ANKS1A: variants seen among roughly 807,000 people sequenced by gnomAD.
ANKS1A encodes ankyrin repeat and SAM domain-containing protein 1A.
A neutral mutation model predicts 120.3 loss-of-function variants in ANKS1A; 55 were observed. That is an observed-to-expected ratio of 0.46 (90% CI 0.37 to 0.57). ANKS1A has a LOEUF of 0.57. ANKS1A is among the 20% of genes least tolerant of loss of function. The pLI, the probability that ANKS1A is intolerant of heterozygous loss-of-function variation, is 0.00. For missense variants in ANKS1A, 1,123 were observed against 1,480.3 expected (o/e 0.76, Z 3.96); for synonymous variants, 590 against 604.7 (o/e 0.98, Z 0.36).
intron 20 of ANKS1A, among the ~76,000 whole-genome samples, 164 bp from the exon 21 acceptor site, chr6:35,083,957 G>T (rs746205954): frequency 1.3e-5 from 2 of 152,074 alleles, no homozygotes; most frequent in African/African-American, 4.8e-5. Flanking sequence ...AACCAAAATC[G>T]GGGACCCCCA....
intron 8 of ANKS1A, among the ~76,000 whole-genome samples, chr6:34,988,589 C>G (rs1772339488): frequency 6.6e-6 from 1 of 152,120 alleles, no homozygotes; most frequent in Non-Finnish European, 1.5e-5. Flanking sequence ...GAGTGAGACT[C>G]TGCCTCAAAA....
Position 34,981,837 on chromosome 6 carries a change from C to T in ANKS1A, c.583C>T (p.Leu195=), listed in dbSNP as rs371853881. ...PLDLAALYGR[L]EVVKMLLNAH... is the part of the protein sequence containing the mutation. ...GGACCTGGCAGCACTGTACGGGCGA[C>T]TGGAGGTGGTGAAAATGCTCCTTAA... The change falls in exon 4 of 24, where the codon CTG becomes TTG. Residue 195 remains leucine (L), a synonymous_variant. Coordinates refer to ENST00000360359, the MANE Select transcript of ANKS1A (RefSeq NM_015245.3). 5.5e-5 allele frequency: 89 copies of T among 1,614,174 alleles called. 1 individual carries two copies. The South Asian group carries it at 6.4e-4, about 12-fold the overall frequency.
intron 1 of ANKS1A, among the ~76,000 whole-genome samples, chr6:34,935,779 T>C (rs1025704870): frequency 3.3e-5 from 5 of 152,090 alleles, no homozygotes; most frequent in Admixed American, 2.6e-4. Context: ...TTTCTCCTGG[T>C]GGGCCGGGCG....
chr6:34,930,900 G>A (rs1442096854), intron 1 of ANKS1A, among the ~76,000 whole-genome samples: 2 of 148,842 alleles, frequency 1.3e-5, no homozygotes, highest in Non-Finnish European at 1.5e-5. Flanking sequence ...TTTTTGAGAA[G>A]GAGTGTGGCT....
intron 14 of ANKS1A, 145 bp from the exon 15 acceptor site, chr6:35,079,371 A>C: frequency 2.2e-6 from 2 of 924,670 alleles, no homozygotes; most frequent in Non-Finnish European, 3.2e-6. Flanking sequence ...AGGCTGTGCG[A>C]AGTGGGGGGC....
In ANKS1A at chr6:35,056,636, C is replaced by T. The variant is rs533285839; in HGVS notation, c.2077+2471C>T. 1.2e-4 allele frequency among the ~76,000 whole-genome samples: 18 copies of T among 152,290 alleles called. 1 individual carries two copies. The highest frequency in any genetic ancestry group is 8.5e-4 in the Admixed American group (13 of 15,306). ...GTGAACCCATATGAGTGTTGAGAGGCAGTCTGTCTCTACCCTTGGGTTTTT... is the reference window on the plus strand; with the variant it reads ...GTGAACCCATATGAGTGTTGAGAGGTAGTCTGTCTCTACCCTTGGGTTTTT... On this transcript the variant is annotated intron_variant, in intron 12 of 23. Coordinates refer to ENST00000360359, the MANE Select transcript of ANKS1A (RefSeq NM_015245.3).
At chr6:35,024,270 A>G (rs78570278) in intron 11 of ANKS1A, among the ~76,000 whole-genome samples, 1,745 of 152,342 alleles carry the variant, frequency 0.011, 38 homozygotes, top group African/African-American at 0.036. Flanking sequence ...AACATCTGAG[A>G]TAAATACCTT....
intron 1 of ANKS1A, among the ~76,000 whole-genome samples, chr6:34,915,069 A>G (rs1768089976): frequency 6.6e-6 from 1 of 152,238 alleles, no homozygotes; most frequent in South Asian, 2.1e-4. Flanking sequence ...AATTTTGCCT[A>G]TCGTATATAT....
At chr6:34,986,737 C>A (rs1173362555) in intron 8 of ANKS1A, among the ~76,000 whole-genome samples, 1 of 152,204 alleles carries the variant, frequency 6.6e-6, no homozygotes, top group African/African-American at 2.4e-5. Context: ...TAGTGGTAGT[C>A]CACCAAAGTG....
intron 13 of ANKS1A, among the ~76,000 whole-genome samples, chr6:35,075,134 C>G (rs1777279464): frequency 6.6e-6 from 1 of 152,166 alleles, no homozygotes; most frequent in African/African-American, 2.4e-5. Flanking sequence ...GATCTTGACT[C>G]TTACACCTTA....
At chr6:35,023,766 C>T in intron 11 of ANKS1A, 1 of 314,606 alleles carries the variant, frequency 3.2e-6, no homozygotes, top group South Asian at 3.4e-5. Context: ...CAAAGTAGTT[C>T]TAGGTGACAG....
intron 11 of ANKS1A, among the ~76,000 whole-genome samples, chr6:35,029,155 T>C (rs899689351): frequency 5.3e-5 from 8 of 150,586 alleles, no homozygotes; most frequent in East Asian, 1.9e-4. Flanking sequence ...CCTTTTCTCT[T>C]TTTTTTTTAA....
At chr6:35,066,978 G>A (rs1364434475) in intron 13 of ANKS1A, among the ~76,000 whole-genome samples, 2 of 152,142 alleles carry the variant, frequency 1.3e-5, no homozygotes, top group South Asian at 2.1e-4. Flanking sequence ...TGAGGCAGGC[G>A]GTTCCACTCT....
chr6:34,916,410 A>T (rs1393555793), intron 1 of ANKS1A, among the ~76,000 whole-genome samples: 1 of 152,140 alleles, frequency 6.6e-6, no homozygotes, highest in Non-Finnish European at 1.5e-5. Context: ...AATTGGAGTT[A>T]AAGTGTTCGT....
At chr6:35,059,376 A>G (rs948213883) in intron 12 of ANKS1A, among the ~76,000 whole-genome samples, 3 of 152,094 alleles carry the variant, frequency 2.0e-5, no homozygotes, top group African/African-American at 7.2e-5. Context: ...GCCCCGGCCC[A>G]TGTGCCCCAT....
At chr6:34,985,313 G>A in intron 8 of ANKS1A, 35 bp downstream of exon 8, 1 of 1,597,006 alleles carries the variant, frequency 6.3e-7, no homozygotes, top group Non-Finnish European at 8.5e-7. Flanking sequence ...CCTGGGGGCT[G>A]TGTTGGCTGG....
chr6:34,944,635 C>T lies in ANKS1A; in HGVS notation c.198-22604C>T, dbSNP rs79773935. Among the ~76,000 whole-genome samples, 308 of 152,250 alleles carry T rather than the reference C, an allele frequency of 2.0e-3. 1 individual carries two copies. Among genetic ancestry groups the T allele is most frequent in the African/African-American group, 7.0e-3 (292 of 41,538 alleles). The stretch of plus-strand genomic sequence containing the variant: ...TGGTTCCAGGACTCTCCTGCATATA[C>T]CAAAATCTGTGCATACCCAAGTTTC... On this transcript the variant is annotated intron_variant, in intron 1 of 23. Coordinates refer to ENST00000360359, the MANE Select transcript of ANKS1A (RefSeq NM_015245.3).
chr6:35,038,062 G>A (rs1244110361), intron 11 of ANKS1A, among the ~76,000 whole-genome samples: 1 of 152,182 alleles, frequency 6.6e-6, no homozygotes, highest in Non-Finnish European at 1.5e-5. Context: ...AAGGAAAGCA[G>A]AGGGTTCTGG....
rs1444211346 is a variant in ANKS1A at position 35,086,284 on chromosome 6, C to T, written c.3303+348C>T. 1.1e-5 allele frequency: 15 copies of T among 1,323,772 alleles called. No individual in the cohort carries two copies. The highest frequency in any genetic ancestry group is 4.5e-5 in the African/African-American group (3 of 67,226). The allele number at this position is 1,323,772 out of a possible 1,614,324, so 82.0% of individuals were successfully genotyped here. ...CTGCACCCCAGGTGCCGCTGCCCCC[C>T]GATAGTCGCTGTTGTTACTGTCACA... On this transcript the variant is annotated intron_variant, in intron 22 of 23. Coordinates refer to ENST00000360359, the MANE Select transcript of ANKS1A (RefSeq NM_015245.3). This position sits in a 1 kb window ranked among gnomAD's most constrained non-coding sequence, Gnocchi z 5.1.
Sources: allele counts gnomAD v4.1 joint callset (sites outside exome capture counted in the v4.1 genomes callset), GRCh38; gene constraint gnomAD v4.1.1; non-coding constraint Gnocchi (gnomAD v3.1); transcripts MANE v1.5; gene names NCBI Gene and HGNC (gene_info 2026-07-23, HGNC 2026-07-21).